GRID2: variants seen among roughly 807,000 people sequenced by gnomAD.
GRID2 encodes the protein glutamate ionotropic receptor delta type subunit 2, also known as glutamate receptor ionotropic, delta-2.
GRID2 carries 33 observed loss-of-function variants against 114.8 expected under a neutral mutation model. That is an observed-to-expected ratio of 0.29 (90% confidence interval 0.22 to 0.38). The LOEUF (loss-of-function observed/expected upper bound fraction) is 0.38, where lower values mean the gene tolerates loss of function less well. Ranked by LOEUF, GRID2 falls within the 10% of genes least tolerant of loss-of-function variation. The probability of loss-of-function intolerance (pLI) is 1.00; values close to 1 mark genes in which losing one functional copy is unlikely to be tolerated. For synonymous variants in GRID2, 505 were observed against 449.9 expected (o/e 1.12, Z -1.55); for missense variants, 1,184 against 1,257.7 (o/e 0.94, Z 0.89).
At chr4:93,238,604 A>T in intron 8 of GRID2, 114 bp downstream of exon 8, 3 of 765,438 alleles carry the variant, frequency 3.9e-6, no homozygotes, top group Non-Finnish European at 4.0e-6. Context: ...AGTGTGAAAG[A>T]GAAAGCAGGG....
rs1578168328 is a variant in GRID2 at position 93,515,352 on chromosome 4, A to G, written c.2134A>G (p.Ile712Val). Residue 712 changes from isoleucine to valine, a missense_variant, in exon 13 of 16, where the codon ATC becomes GTC. Physicochemically the swap from Ile to Val is conservative, Grantham distance 29. Around this residue, in one of 3 missense-constraint regions of GRID2, gnomAD observed 717 missense variants for 796.9 expected, o/e 0.90. Transcript: ENST00000282020. ...DSMYSQMWRM[I>V]NRSNGSENNV... Reference sequence around the variant, plus strand: ...CATGTATTCCCAAATGTGGCGGATGATCAACCGAAGCAATGGATCGGAGAA... The same window carrying G: ...CATGTATTCCCAAATGTGGCGGATGGTCAACCGAAGCAATGGATCGGAGAA... The G allele has an allele frequency of 1.2e-6, 2 of 1,613,282 alleles. No individual in the cohort carries two copies. The highest frequency in any genetic ancestry group is 2.7e-5 in the African/African-American group (2 of 74,996).
chr4:92,384,369 C>A (rs1729766551), intron 1 of GRID2, among the ~76,000 whole-genome samples: 1 of 126,764 alleles, frequency 7.9e-6, no homozygotes, highest in Admixed American at 8.9e-5. Context: ...TTCTGTGAAT[C>A]AGCCATTGTG....
intron 8 of GRID2, among the ~76,000 whole-genome samples, chr4:93,348,526 G>A (rs142703736): frequency 6.6e-6 from 1 of 152,194 alleles, no homozygotes; most frequent in African/African-American, 2.4e-5. Flanking sequence ...CTAATCCTGC[G>A]GGGCTCATGG....
At chr4:93,077,133 T>C (rs1729404529) in intron 2 of GRID2, among the ~76,000 whole-genome samples, 1 of 152,174 alleles carries the variant, frequency 6.6e-6, no homozygotes, top group South Asian at 2.1e-4. Context: ...TGTGGTGATA[T>C]CATTTGAATT....
intron 2 of GRID2, among the ~76,000 whole-genome samples, chr4:92,906,485 T>C (rs1286746004): frequency 6.6e-6 from 1 of 152,216 alleles, no homozygotes; most frequent in Non-Finnish European, 1.5e-5. Flanking sequence ...CTCAGGCTTA[T>C]ACTTAAATCT....
At chr4:93,021,520 C>T (rs1398911633) in intron 2 of GRID2, among the ~76,000 whole-genome samples, 1 of 146,184 alleles carries the variant, frequency 6.8e-6, no homozygotes, top group Non-Finnish European at 1.5e-5. Flanking sequence ...AAATTTTGGG[C>T]TTATTTTTGT....
At chr4:93,496,864 TTTTG>T (rs1195732305) in intron 12 of GRID2, among the ~76,000 whole-genome samples, 2 of 151,868 alleles carry the variant, frequency 1.3e-5, no homozygotes. Flanking sequence ...TCTGTGGATT[TTTTG>T]TTTGTTTGTT....
intron 8 of GRID2, among the ~76,000 whole-genome samples, chr4:93,275,164 G>T (rs1194683473): frequency 6.6e-6 from 1 of 151,796 alleles, no homozygotes; most frequent in African/African-American, 2.4e-5. Context: ...GGAAACATAT[G>T]ATATGTGATC....
chr4:93,182,918 T>A (rs932354412), intron 4 of GRID2, among the ~76,000 whole-genome samples: 1 of 152,194 alleles, frequency 6.6e-6, no homozygotes, highest in Non-Finnish European at 1.5e-5. Context: ...ACCTACTGAA[T>A]CAGAAGTTCT....
intron 1 of GRID2, among the ~76,000 whole-genome samples, chr4:92,560,068 A>G (rs1397870318): frequency 1.3e-5 from 2 of 152,184 alleles, no homozygotes; most frequent in Non-Finnish European, 2.9e-5. Context: ...GAGATAGTTG[A>G]AGGAAATGAC....
At chr4:93,402,390 A>G (rs1372766791) in intron 9 of GRID2, among the ~76,000 whole-genome samples, 1 of 152,324 alleles carries the variant, frequency 6.6e-6, no homozygotes, top group Non-Finnish European at 1.5e-5. Flanking sequence ...GGATGAAACT[A>G]TGTGAAAGCA....
chr4:93,085,185 A>T lies in GRID2; in HGVS notation c.435A>T (p.Ser145=), dbSNP rs1235406264. ...RSNRNDDYTL[S]VRPPVYLHDV... is the part of the protein sequence containing the mutation. ...ACAGGAATGATGACTACACTCTCTC[A>T]GTTCGCCCACCTGTCTACTTGCATG... Residue 145 remains serine (S), a synonymous_variant, in exon 3 of 16, where the codon TCA becomes TCT. Transcript: ENST00000282020. 6.2e-6 allele frequency: 10 copies of T among 1,613,768 alleles called. No individual in the cohort carries two copies. Among genetic ancestry groups the T allele is most frequent in the Non-Finnish European group, 8.5e-6 (10 of 1,179,838 alleles).
chr4:93,220,397 G>T (rs191356799), intron 6 of GRID2, among the ~76,000 whole-genome samples: 106 of 152,026 alleles, frequency 7.0e-4, no homozygotes, highest in African/African-American at 2.4e-3. Context: ...TTCACCAAAG[G>T]GTTCCTAAAG....
At chr4:93,669,313 TAATC>T (rs1724204288) in intron 14 of GRID2, among the ~76,000 whole-genome samples, 1 of 152,096 alleles carries the variant, frequency 6.6e-6, no homozygotes, top group African/African-American at 2.4e-5. Context: ...AGGCATTAAA[TAATC>T]AACCTACAAG....
intron 14 of GRID2, among the ~76,000 whole-genome samples, chr4:93,709,736 T>G (rs1014459233): frequency 2.0e-5 from 3 of 152,178 alleles, no homozygotes; most frequent in African/African-American, 7.2e-5. Context: ...TTAAGGCTAT[T>G]TTCTGTATCT....
chr4:92,339,013 T>C lies in GRID2; in HGVS notation c.88+34269T>C, dbSNP rs888969911. Among the ~76,000 whole-genome samples the C allele has an allele frequency of 4.6e-5, 7 of 152,090 alleles. 1 individual carries two copies. The East Asian group carries it at 1.3e-3, about 29-fold the overall frequency. ...AATCCAAAATATTAATCTTTAGGTGTGAAATACTCTAATTACTTCCCATTG... is the reference window on the plus strand; with the variant it reads ...AATCCAAAATATTAATCTTTAGGTGCGAAATACTCTAATTACTTCCCATTG... On this transcript the variant is annotated intron_variant, in intron 1 of 15. Coordinates refer to ENST00000282020, the MANE Select transcript of GRID2 (RefSeq NM_001510.4).
chr4:93,559,805 A>G (rs1242946410), intron 13 of GRID2, among the ~76,000 whole-genome samples: 1 of 152,200 alleles, frequency 6.6e-6, no homozygotes, highest in Admixed American at 6.5e-5. Context: ...CACTATTCAC[A>G]GTAGCAATGA....
At chr4:93,056,388 G>A (rs1448023814) in intron 2 of GRID2, among the ~76,000 whole-genome samples, 1 of 151,688 alleles carries the variant, frequency 6.6e-6, no homozygotes, top group Non-Finnish European at 1.5e-5. Flanking sequence ...AAATAATAGT[G>A]ATCAGAATCA....
intron 1 of GRID2, among the ~76,000 whole-genome samples, chr4:92,341,504 C>A (rs986234397): frequency 6.6e-6 from 1 of 152,072 alleles, no homozygotes; most frequent in Non-Finnish European, 1.5e-5. Context: ...ACATTGCAAT[C>A]CAGCTTCCCC....
Sources: allele counts gnomAD v4.1 joint callset (sites outside exome capture counted in the v4.1 genomes callset), GRCh38; gene constraint gnomAD v4.1.1; regional missense constraint gnomAD v4.1.1; transcripts MANE v1.5; gene names NCBI Gene and HGNC (gene_info 2026-07-23, HGNC 2026-07-21).